The following CHN2 variants were observed in gnomAD, a reference collection of about 807,000 sequenced individuals.
CHN2 encodes chimerin 2, also known as beta-chimaerin.
In CHN2, 35 loss-of-function variants were observed where a neutral mutation model predicts 56.3. That is an observed-to-expected ratio of 0.62 (90% confidence interval 0.47 to 0.82). CHN2 has a LOEUF of 0.82. CHN2 is among the 40% of genes least tolerant of loss of function. The pLI is 0.00. For missense variants in CHN2, 491 were observed against 580.5 expected, an observed-to-expected ratio of 0.85 and a Z score of 1.58; for synonymous variants, 210 against 212.8, an observed-to-expected ratio of 0.99 and a Z score of 0.12.
At chr7:29,215,163 T>C (rs1046467854) in intron 1 of CHN2, among the ~76,000 whole-genome samples, 6 of 152,296 alleles carry the variant, frequency 3.9e-5, no homozygotes, top group Admixed American at 2.6e-4. Flanking sequence ...GTGAAGTCAT[T>C]AACAATTAAA....
intron 6 of CHN2, among the ~76,000 whole-genome samples, chr7:29,473,178 AGG>A (rs2128530652): frequency 6.6e-6 from 1 of 152,222 alleles, no homozygotes; most frequent in East Asian, 1.9e-4. Flanking sequence ...GCATGATGGG[AGG>A]TGGGTGTGGG....
chr7:29,296,377 GC>G (rs1188876208), intron 1 of CHN2, among the ~76,000 whole-genome samples: 1 of 151,838 alleles, frequency 6.6e-6, no homozygotes, highest in Admixed American at 6.6e-5. Flanking sequence ...GAGCCACCAT[GC>G]CCAGCCGTAA....
At chr7:29,348,486 C>T (rs1481015731) in intron 1 of CHN2, among the ~76,000 whole-genome samples, 3 of 152,130 alleles carry the variant, frequency 2.0e-5, no homozygotes, top group Non-Finnish European at 4.4e-5. Context: ...TCTGTATCTT[C>T]CCCCTCCTTC....
chr7:29,341,254 G>A (rs561809942), intron 1 of CHN2, among the ~76,000 whole-genome samples: 473 of 87,798 alleles, frequency 5.4e-3, no homozygotes, highest in Middle Eastern at 0.019. Flanking sequence ...CTGATAGTCC[G>A]TCCAGTTCCA....
upstream of CHN2, among the ~76,000 whole-genome samples, chr7:29,191,044 C>T (rs1268599996): frequency 6.6e-6 from 1 of 151,990 alleles, no homozygotes; most frequent in Admixed American, 6.6e-5. Flanking sequence ...AAGCAATTCT[C>T]CCCCCTCAGC....
intron 1 of CHN2, among the ~76,000 whole-genome samples, chr7:29,206,366 G>A (rs1487527402): frequency 6.6e-6 from 1 of 152,056 alleles, no homozygotes; most frequent in Non-Finnish European, 1.5e-5. Context: ...ACTGCACCCT[G>A]CGCTTCCTGG....
At chr7:29,446,949 G>A (rs1011947408) in intron 6 of CHN2, among the ~76,000 whole-genome samples, 2 of 152,122 alleles carry the variant, frequency 1.3e-5, no homozygotes, top group African/African-American at 4.8e-5. Context: ...CTCCAGATCC[G>A]CCCGGCAGAT....
chr7:29,272,460 AT>A (rs1790735799), intron 1 of CHN2, among the ~76,000 whole-genome samples: 1 of 152,120 alleles, frequency 6.6e-6, no homozygotes. Context: ...AGTCATATAG[AT>A]TTGGGGCAAG....
At chr7:29,348,781 A>T (rs1797662489) in intron 1 of CHN2, among the ~76,000 whole-genome samples, 1 of 152,174 alleles carries the variant, frequency 6.6e-6, no homozygotes, top group African/African-American at 2.4e-5. Context: ...TAGCACTCCT[A>T]CAAATTTATT....
rs376241958 is a variant in CHN2, at chr7:29,252,612, G to A, written c.49+57622G>A. On this transcript the variant is annotated intron_variant, in intron 1 of 12. Transcript: ENST00000222792. ...TTTTTTTTTTTTTTTTTTTTGAGAC[G>A]GAGTCTCGCTCTGTCGCCCAGGCCA... Among the ~76,000 whole-genome samples the A allele has an allele frequency of 2.3e-3, 9 of 3,966 alleles. No individual in the cohort carries two copies. The East Asian group carries it at 0.079, about 35-fold the overall frequency. 2.6% of individuals were successfully genotyped at this position (3,966 alleles called of 152,430 possible). A position where few individuals can be genotyped will look rare whatever the true frequency, so the allele number is the denominator to read the frequency against.
At chr7:29,364,392 C>A (rs1232821224) in intron 2 of CHN2, among the ~76,000 whole-genome samples, 1 of 152,216 alleles carries the variant, frequency 6.6e-6, no homozygotes, top group Non-Finnish European at 1.5e-5. Context: ...CCTCCATTAA[C>A]AATGGTATTC....
chr7:29,496,110 G>T lies in CHN2; in HGVS notation c.739+74G>T, dbSNP rs1789252876. On this transcript the variant is annotated intron_variant, in intron 8 of 12. Coordinates refer to ENST00000222792, the MANE Select transcript of CHN2 (RefSeq NM_004067.4). ...CTGAGCTGGAGGATGTCTCTCCAGA[G>T]CTGGGAAATGTGCTCAGATTAGCTC... 3 of 1,259,232 alleles carry T rather than the reference G, an allele frequency of 2.4e-6. No homozygotes were observed. The East Asian group carries it at 7.3e-5, about 31-fold the overall frequency. 78.0% of individuals were successfully genotyped at this position (1,259,232 alleles called of 1,614,324 possible). A position where few individuals can be genotyped will look rare whatever the true frequency, so the allele number is the denominator to read the frequency against.
At chr7:29,240,680 G>A (rs1022375973) in intron 1 of CHN2, among the ~76,000 whole-genome samples, 2 of 151,534 alleles carry the variant, frequency 1.3e-5, no homozygotes, top group Non-Finnish European at 2.9e-5. Flanking sequence ...AGAACCACAG[G>A]CCAGCAATGC....
At chr7:29,329,376 C>CA (rs10667833) in intron 1 of CHN2, among the ~76,000 whole-genome samples, 7,810 of 37,198 alleles carry the variant, frequency 0.21, 2,662 homozygotes, top group Non-Finnish European at 0.24. Context: ...TCAGATAAGG[C>CA]AAAAAAAAAA....
intron 6 of CHN2, among the ~76,000 whole-genome samples, chr7:29,427,876 C>T (rs1427454084): frequency 6.6e-6 from 1 of 151,882 alleles, no homozygotes; most frequent in Non-Finnish European, 1.5e-5. Context: ...AGGTTGGTCT[C>T]GATCTCTTGA....
intron 6 of CHN2, among the ~76,000 whole-genome samples, chr7:29,429,849 A>G (rs1031823072): frequency 2.0e-5 from 3 of 152,168 alleles, no homozygotes; most frequent in Middle Eastern, 3.2e-3. Flanking sequence ...TATGGACTTT[A>G]TTATATATAG....
chr7:29,496,924 C>T (rs1420191109), intron 8 of CHN2, among the ~76,000 whole-genome samples: 1 of 152,176 alleles, frequency 6.6e-6, no homozygotes, highest in Non-Finnish European at 1.5e-5. Context: ...TTCTTCCTTG[C>T]TAGGATATGA....
At chr7:29,340,747 G>T (rs1431314256) in intron 1 of CHN2, among the ~76,000 whole-genome samples, 2 of 152,178 alleles carry the variant, frequency 1.3e-5, no homozygotes, top group Non-Finnish European at 2.9e-5. Context: ...GTGTGTTTTG[G>T]CATAAAGCAT....
At chr7:29,483,969 G>A (rs990618901) in intron 7 of CHN2, 1 of 925,708 alleles carries the variant, frequency 1.1e-6, no homozygotes, top group Non-Finnish European at 1.6e-6. Context: ...GTGGTCTCTG[G>A]CACCCAGTAA....
Sources: gnomAD v4.1 joint callset for allele counts (sites outside exome capture counted in the v4.1 genomes callset) on GRCh38, gnomAD v4.1.1 for gene constraint, MANE v1.5 for transcripts, NCBI Gene and HGNC (gene_info 2026-07-23, HGNC 2026-07-21) for gene names.